Variants in ATP2B2 observed in about 807,000 individuals in gnomAD.
ATP2B2 encodes ATPase plasma membrane Ca2+ transporting 2, also known as plasma membrane calcium-transporting ATPase 2.
ATP2B2 carries 15 observed loss-of-function variants against 120.0 expected under a neutral mutation model. That is an observed-to-expected ratio of 0.12 (90% confidence interval 0.08 to 0.19). The LOEUF (loss-of-function observed/expected upper bound fraction) is 0.19. ATP2B2 is among the 10% of genes least tolerant of loss of function. The pLI, the probability that ATP2B2 is intolerant of heterozygous loss-of-function variation, is 1.00. For synonymous variants in ATP2B2, 694 were observed against 700.3 expected, an observed-to-expected ratio of 0.99 and a Z score of 0.14; for missense variants, 1,045 against 1,719.8, an observed-to-expected ratio of 0.61 and a Z score of 6.94.
intron 1 of ATP2B2, among the ~76,000 whole-genome samples, chr3:10,627,526 A>G (rs549009686): frequency 1.8e-4 from 28 of 151,944 alleles, no homozygotes; most frequent in Non-Finnish European, 2.5e-4. Flanking sequence ...TAGCTATGTG[A>G]CCCTGGGCCA....
At chr3:10,399,607 C>T (rs1017208182) in intron 5 of ATP2B2, among the ~76,000 whole-genome samples, 1 of 152,196 alleles carries the variant, frequency 6.6e-6, no homozygotes, top group Non-Finnish European at 1.5e-5. Context: ...GTTTCCTTAA[C>T]CAGTGGCACA....
chr3:10,606,503 A>T (rs552052415), intron 2 of ATP2B2, among the ~76,000 whole-genome samples: 1 of 152,160 alleles, frequency 6.6e-6, no homozygotes, highest in Non-Finnish European at 1.5e-5. Context: ...TTGGTGAAGT[A>T]GGGAGTGCAA....
chr3:10,342,615 T>G lies in ATP2B2; in HGVS notation c.2917+137A>C, dbSNP rs1450713248. The G allele has an allele frequency of 1.1e-5, 12 of 1,058,552 alleles. No homozygotes were observed. Among genetic ancestry groups the G allele is most frequent in the Non-Finnish European group, 1.7e-5 (12 of 710,354 alleles). 65.6% of individuals were successfully genotyped at this position (1,058,552 alleles called of 1,614,324 possible). On this transcript the variant is annotated intron_variant, in intron 19 of 22. Coordinates refer to ENST00000360273, the MANE Select transcript of ATP2B2 (RefSeq NM_001001331.4). This position sits in a 1 kb window ranked among gnomAD's most constrained non-coding sequence, Gnocchi z 4.4. The stretch of plus-strand genomic sequence containing the variant: ...GCTGGTGTGACCTTGGGCAACTTAC[T>G]TGACCTCCCTGGGCCTCAATTTCCC...
At chr3:10,335,284 G>T (rs910952772) in intron 22 of ATP2B2, among the ~76,000 whole-genome samples, 1 of 152,202 alleles carries the variant, frequency 6.6e-6, no homozygotes, top group African/African-American at 2.4e-5. Flanking sequence ...AAGCTGAATG[G>T]GCCAGGGACC....
At chr3:10,658,369 C>A (rs2070693633) in intron 1 of ATP2B2, among the ~76,000 whole-genome samples, 1 of 152,124 alleles carries the variant, frequency 6.6e-6, no homozygotes, top group Non-Finnish European at 1.5e-5. Flanking sequence ...GAATGGCTAA[C>A]TAGAATAACC....
chr3:10,594,061 G>C (rs2068705207), intron 2 of ATP2B2, among the ~76,000 whole-genome samples: 1 of 152,174 alleles, frequency 6.6e-6, no homozygotes, highest in African/African-American at 2.4e-5. Context: ...AAAAAGTCAG[G>C]AAACAACAGA....
At chr3:10,336,068 C>T (rs2060108424) in intron 22 of ATP2B2, 1 of 1,524,828 alleles carries the variant, frequency 6.6e-7, no homozygotes, top group Non-Finnish European at 8.9e-7. Context: ...GCCCCAGCCC[C>T]TGCCCGCCTG....
intron 3 of ATP2B2, among the ~76,000 whole-genome samples, chr3:10,523,529 G>A (rs1023846398): frequency 1.3e-5 from 2 of 152,196 alleles, no homozygotes; most frequent in Non-Finnish European, 2.9e-5. Flanking sequence ...AAGTGAAGTT[G>A]GGTTCCATAA....
rs1167603761 is a variant in ATP2B2 at position 10,343,864 on chromosome 3, C to T, written c.2704-899G>A. On this transcript the variant is annotated intron_variant, in intron 18 of 22. Coordinates refer to ENST00000360273, the MANE Select transcript of ATP2B2 (RefSeq NM_001001331.4). This position sits in a 1 kb window ranked among gnomAD's most constrained non-coding sequence, Gnocchi z 4.2. The stretch of plus-strand genomic sequence containing the variant: ...TTTTAAATCTGTGTTCCTGCCTCAG[C>T]CCCATTCTCCTCCTCGTCCTGTGGC... Among the ~76,000 whole-genome samples the T allele has an allele frequency of 6.6e-6, 1 of 152,276 alleles. No individual in the cohort carries two copies. The highest frequency in any genetic ancestry group is 1.9e-4 in the East Asian group (1 of 5,180).
At position 10,346,986 on chromosome 3, in the gene ATP2B2, C is replaced by T. The variant is rs879532085; in HGVS notation, c.2405-849G>A. Among the ~76,000 whole-genome samples, 4 of 152,040 alleles carry T rather than the reference C, an allele frequency of 2.6e-5. No homozygotes were observed. Among genetic ancestry groups the T allele is most frequent in the African/African-American group, 9.7e-5 (4 of 41,416 alleles). The stretch of plus-strand genomic sequence containing the variant: ...TGTTTCCTCTCACTGACTCTGGACT[C>T]CCCCTCCAACTTGCTTCCCCACAGC... On this transcript the variant is annotated intron_variant, in intron 16 of 22. Transcript: ENST00000360273. This position sits in a 1 kb window ranked among gnomAD's most constrained non-coding sequence, Gnocchi z 4.1.
At chr3:10,494,186 G>A (rs1417626164) in intron 1 of ATP2B2, among the ~76,000 whole-genome samples, 1 of 152,142 alleles carries the variant, frequency 6.6e-6, no homozygotes, top group Non-Finnish European at 1.5e-5. Context: ...AGGCTAGGGT[G>A]AGATTAAGGG....
chr3:10,366,332 G>A lies in ATP2B2; in HGVS notation c.1659+5477C>T, dbSNP rs1383464728. Among the ~76,000 whole-genome samples the A allele has an allele frequency of 2.0e-5, 3 of 152,138 alleles. No homozygotes were observed. The East Asian group carries it at 5.8e-4, about 29-fold the overall frequency. On this transcript the variant is annotated intron_variant, in intron 12 of 22. Transcript: ENST00000360273. ...CACAGCCAACCCTCCTCCCTTCTGG[G>A]GTTATTGGCCTCGTGGCCACCTCCA...
chr3:10,374,888 C>T (rs947548190), intron 11 of ATP2B2, among the ~76,000 whole-genome samples: 4 of 152,198 alleles, frequency 2.6e-5, no homozygotes, highest in Admixed American at 2.6e-4. Context: ...ATCAGACTTC[C>T]TTTTTGTTTT....
chr3:10,683,760 G>GTGTGTGTATA (rs1446781892), intron 1 of ATP2B2, among the ~76,000 whole-genome samples: 25 of 53,898 alleles, frequency 4.6e-4, no homozygotes, highest in African/African-American at 1.0e-3. Flanking sequence ...GTGTGTGTGT[G>GTGTGTGTATA]TATATATATA....
At chr3:10,413,118 C>G (rs529283464) in intron 2 of ATP2B2, among the ~76,000 whole-genome samples, 71 of 152,336 alleles carry the variant, frequency 4.7e-4, no homozygotes, top group Non-Finnish European at 8.1e-4. Context: ...AGTTTGCATT[C>G]CTGGAGCCCC....
At chr3:10,506,752 A>G (rs551392076), upstream of ATP2B2, among the ~76,000 whole-genome samples, 4 of 152,250 alleles carry the variant, frequency 2.6e-5, no homozygotes, top group East Asian at 7.8e-4. Context: ...GGACAGGGGC[A>G]GGGCTGGAGG....
At chr3:10,620,655 C>T (rs2069519699) in intron 1 of ATP2B2, among the ~76,000 whole-genome samples, 1 of 152,154 alleles carries the variant, frequency 6.6e-6, no homozygotes, top group Non-Finnish European at 1.5e-5. Context: ...TGGGAGCTGT[C>T]ACCTGTGATC....
At position 10,679,397 on chromosome 3, in the gene ATP2B2, C is replaced by T. The variant is rs114957021; in HGVS notation, c.-460+28518G>A. ...CAACTATTTGATCCTCTTTCCCTTACAAATGGCAGGGACCCAGACCATCTC... is the reference window on the plus strand; with the variant it reads ...CAACTATTTGATCCTCTTTCCCTTATAAATGGCAGGGACCCAGACCATCTC... On this transcript the variant is annotated intron_variant, in intron 1 of 21. Transcript: ENST00000646379. Among the ~76,000 whole-genome samples, 649 of 152,328 alleles carry T rather than the reference C, an allele frequency of 4.3e-3. 7 individuals carry two copies. Among genetic ancestry groups the T allele is most frequent in the African/African-American group, 0.015 (608 of 41,576 alleles).
intron 1 of ATP2B2, among the ~76,000 whole-genome samples, chr3:10,453,311 T>C (rs575948181): frequency 2.4e-4 from 37 of 152,238 alleles, no homozygotes; most frequent in Non-Finnish European, 5.3e-4. Flanking sequence ...TTAAAATACT[T>C]AGAACCAAGC....
Sources: gnomAD v4.1 joint callset for allele counts (sites outside exome capture counted in the v4.1 genomes callset) on GRCh38, gnomAD v4.1.1 for gene constraint, Gnocchi (gnomAD v3.1) non-coding constraint, MANE v1.5 for transcripts, NCBI Gene and HGNC (gene_info 2026-07-23, HGNC 2026-07-21) for gene names.